NFIC: variants seen among roughly 807,000 people sequenced by gnomAD.
The protein encoded by NFIC is nuclear factor 1 C-type.
A neutral mutation model predicts 54.4 loss-of-function variants in NFIC; 12 were observed. That is an observed-to-expected ratio of 0.22 (90% CI 0.14 to 0.36). The LOEUF is 0.36. Ranked by LOEUF, NFIC falls within the 10% of genes least tolerant of loss-of-function variation. The pLI is 1.00. For synonymous variants in NFIC, 322 were observed against 319.2 expected, an observed-to-expected ratio of 1.01 and a Z score of -0.09; for missense variants, 575 against 718.2, an observed-to-expected ratio of 0.80 and a Z score of 2.28.
chr19:3,436,233 C>G (rs1431825762), intron 6 of NFIC, among the ~76,000 whole-genome samples: 5 of 151,446 alleles, frequency 3.3e-5, no homozygotes, highest in African/African-American at 4.9e-5. Context: ...CAGCCTCGAC[C>G]TCCCAGGTTC....
chr19:3,453,646 G>A lies in NFIC; in HGVS notation c.1270-117G>A. On this transcript the variant is annotated intron_variant, in intron 8 of 10. Transcript: ENST00000443272. The surrounding 1 kb of genome is among the most constrained non-coding windows in gnomAD (Gnocchi z 6.7). The stretch of plus-strand genomic sequence containing the variant: ...CCCGCCATGGTCACACCCGCGCCCT[G>A]GCCCCCCAGCCTGCCACCCCGTCCG... 1 of 1,376,872 alleles carries A rather than the reference G, an allele frequency of 7.3e-7. No individual in the cohort carries two copies. The highest frequency in any genetic ancestry group is 9.6e-7 in the Non-Finnish European group (1 of 1,042,296). 85.3% of individuals were successfully genotyped at this position (1,376,872 alleles called of 1,614,324 possible).
At chr19:3,372,719 G>GGGT (rs1555739465) in intron 1 of NFIC, among the ~76,000 whole-genome samples, 2 of 148,950 alleles carry the variant, frequency 1.3e-5, no homozygotes, top group African/African-American at 5.0e-5. Flanking sequence ...GGGTGGGGGG[G>GGGT]TGCCAGGAGG....
Position 3,453,579 on chromosome 19 carries a change from C to T in NFIC, c.1270-184C>T, listed in dbSNP as rs1028203227. On this transcript the variant is annotated intron_variant, in intron 8 of 10. Transcript: ENST00000443272. This position sits in a 1 kb window ranked among gnomAD's most constrained non-coding sequence, Gnocchi z 6.7. Reference sequence around the variant, plus strand: ...TTGAGTGACACCAGCAAGCGGGTGTCCCCAGGCCCCTCCACCTCCGGCCGT... The same window carrying T: ...TTGAGTGACACCAGCAAGCGGGTGTTCCCAGGCCCCTCCACCTCCGGCCGT... Among the ~76,000 whole-genome samples the T allele has an allele frequency of 6.6e-6, 1 of 152,100 alleles. No homozygotes were observed. The highest frequency in any genetic ancestry group is 2.4e-5 in the African/African-American group (1 of 41,416).
chr19:3,361,515 CG>C (rs2080811690), intron 1 of NFIC, among the ~76,000 whole-genome samples: 1 of 146,884 alleles, frequency 6.8e-6, no homozygotes, highest in African/African-American at 2.5e-5. Context: ...ACCCCCAGTG[CG>C]TTTGATATAA....
chr19:3,459,073 A>T lies in NFIC; in HGVS notation c.1509+2438A>T, dbSNP rs539772456. Among the ~76,000 whole-genome samples, 1 of 152,160 alleles carries T rather than the reference A, an allele frequency of 6.6e-6. No individual in the cohort carries two copies. The highest frequency in any genetic ancestry group is 1.5e-5 in the Non-Finnish European group (1 of 67,970). Reference sequence around the variant, plus strand: ...TCTCCCCTCTCCCAGCTCCCGCTCAAAGGGCCCTGAGCTTGGAGGCCTCTC... The same window carrying T: ...TCTCCCCTCTCCCAGCTCCCGCTCATAGGGCCCTGAGCTTGGAGGCCTCTC... On this transcript the variant is annotated intron_variant, in intron 10 of 10. Transcript: ENST00000443272. The surrounding 1 kb of genome is among the most constrained non-coding windows in gnomAD (Gnocchi z 4.2).
At chr19:3,362,347 C>T (rs1010297754), upstream of NFIC, among the ~76,000 whole-genome samples, 2 of 151,806 alleles carry the variant, frequency 1.3e-5, no homozygotes, top group African/African-American at 2.4e-5. Flanking sequence ...TTGTGCTTGT[C>T]AAGAAGCGTC....
intron 3 of NFIC, among the ~76,000 whole-genome samples, chr19:3,427,014 C>T (rs941108758): frequency 6.6e-6 from 1 of 151,696 alleles, no homozygotes; most frequent in Non-Finnish European, 1.5e-5. Flanking sequence ...GCCATCCCCG[C>T]CTCCTAGGTT....
chr19:3,451,010 T>C (rs1028405610), intron 7 of NFIC, among the ~76,000 whole-genome samples: 11 of 152,212 alleles, frequency 7.2e-5, no homozygotes, highest in Admixed American at 5.9e-4. Flanking sequence ...AAATATTTAC[T>C]ATCTGGCCAG....
intron 2 of NFIC, among the ~76,000 whole-genome samples, chr19:3,392,573 G>A (rs926135064): frequency 2.0e-5 from 3 of 152,154 alleles, no homozygotes; most frequent in African/African-American, 7.2e-5. Flanking sequence ...GGTGGGGCCC[G>A]GCCCTCCCAG....
chr19:3,370,289 C>T lies in NFIC; in HGVS notation c.30+3623C>T, dbSNP rs996970845. Among the ~76,000 whole-genome samples, 2 of 152,128 alleles carry T rather than the reference C, an allele frequency of 1.3e-5. No homozygotes were observed. The highest frequency in any genetic ancestry group is 4.8e-5 in the African/African-American group (2 of 41,432). ...GCTCTCTCCCCGTGTGCCCCCCACC[C>T]GGGGCCTGGTGGCCTCTGATTCACT... On this transcript the variant is annotated intron_variant, in intron 1 of 10. Transcript: ENST00000443272. The surrounding 1 kb of genome is among the most constrained non-coding windows in gnomAD (Gnocchi z 5.2).
Position 3,373,120 on chromosome 19 carries a change from C to T in NFIC, c.30+6454C>T, listed in dbSNP as rs372278795. On this transcript the variant is annotated intron_variant, in intron 1 of 10. Coordinates refer to ENST00000443272, the MANE Select transcript of NFIC (RefSeq NM_001245002.2). Reference sequence around the variant, plus strand: ...TCGGCCTCCCAAAGTGCTGGGATTACAGGTGTGAGCCACCGCGCCCGGCCC... The same window carrying T: ...TCGGCCTCCCAAAGTGCTGGGATTATAGGTGTGAGCCACCGCGCCCGGCCC... Among the ~76,000 whole-genome samples, 18 of 152,334 alleles carry T rather than the reference C, an allele frequency of 1.2e-4. No individual in the cohort carries two copies. The East Asian group carries it at 2.5e-3, about 21-fold the overall frequency.
intron 1 of NFIC, among the ~76,000 whole-genome samples, chr19:3,378,241 A>G (rs2081141268): frequency 2.0e-5 from 3 of 150,096 alleles, no homozygotes; most frequent in South Asian, 4.3e-4. Context: ...AGCCTGGGTG[A>G]CAAGAGTGAA....
intron 6 of NFIC, among the ~76,000 whole-genome samples, chr19:3,441,811 G>C (rs2082298194): frequency 6.6e-6 from 1 of 152,180 alleles, no homozygotes; most frequent in Non-Finnish European, 1.5e-5. Flanking sequence ...AACCCAGGCA[G>C]GCAGGGTCTC....
At chr19:3,393,688 A>G (rs2081411645) in intron 2 of NFIC, among the ~76,000 whole-genome samples, 1 of 151,292 alleles carries the variant, frequency 6.6e-6, no homozygotes, top group South Asian at 2.1e-4. Flanking sequence ...GGTGGCGCGA[A>G]CCTGTAATCC....
chr19:3,463,651 G>GC lies in NFIC; in HGVS notation c.*889dup, dbSNP rs1010732633. 29 of 954,858 alleles carry GC rather than the reference G, an allele frequency of 3.0e-5. No individual in the cohort carries two copies. In the African/African-American group the frequency reaches 3.7e-4, roughly 12 times the overall value. The allele number at this position is 954,858 out of a possible 1,614,324, so 59.1% of individuals were successfully genotyped here. ...CCACCCCCCACCCCCGGCATAGGAGGCCCCCCCACCTCGCCCGGCTCACAC... is the reference window on the plus strand; with the variant it reads ...CCACCCCCCACCCCCGGCATAGGAGGCCCCCCCCACCTCGCCCGGCTCACAC... On this transcript the variant is annotated 3_prime_UTR_variant, in exon 11 of 11. Transcript: ENST00000443272.
At position 3,395,871 on chromosome 19, in the gene NFIC, G is replaced by A. The variant is rs2081454557; in HGVS notation, c.562+13628G>A. ...ATTTTTGTATTTTTAGTAGAGATGG[G>A]ATTTCTCCATGTTGGCCAGGCTGGT... On this transcript the variant is annotated intron_variant, in intron 2 of 10. Coordinates refer to ENST00000443272, the MANE Select transcript of NFIC (RefSeq NM_001245002.2). Among the ~76,000 whole-genome samples the A allele has an allele frequency of 2.6e-5, 4 of 152,156 alleles. No homozygotes were observed. The South Asian group carries it at 6.2e-4, about 24-fold the overall frequency.
intron 6 of NFIC, among the ~76,000 whole-genome samples, chr19:3,446,953 G>A (rs959278642): frequency 6.6e-6 from 1 of 152,112 alleles, no homozygotes; most frequent in Non-Finnish European, 1.5e-5. Flanking sequence ...TTAAGCCCAG[G>A]AGGTTGAGGC....
intron 1 of NFIC, among the ~76,000 whole-genome samples, chr19:3,367,895 C>A (rs1376102079): frequency 2.6e-5 from 4 of 152,130 alleles, no homozygotes; most frequent in Non-Finnish European, 5.9e-5. Flanking sequence ...AGTGAGGGAC[C>A]CCCCACGCCA....
chr19:3,381,749 A>G lies in NFIC; in HGVS notation c.68A>G (p.His23Arg). ...FHPFIEALLP[H>R]VRAFAYTWFN... ...CCGTTCATCGAGGCCCTGCTGCCTCACGTCCGCGCCTTCGCCTACACCTGG... is the reference window on the plus strand; with the variant it reads ...CCGTTCATCGAGGCCCTGCTGCCTCGCGTCCGCGCCTTCGCCTACACCTGG... The change falls in exon 2 of 11, where the codon CAC becomes CGC. Residue 23 changes from histidine (H) to arginine (R), a missense_variant. Physicochemically the swap from His to Arg is conservative, Grantham distance 29 (BLOSUM62 0). Around this residue, in one of 3 missense-constraint regions of NFIC, gnomAD observed 122 missense variants for 158.0 expected, o/e 0.77. Transcript: ENST00000443272. The G allele has an allele frequency of 1.2e-6, 2 of 1,613,780 alleles. No homozygotes were observed. The highest frequency in any genetic ancestry group is 1.7e-6 in the Non-Finnish European group (2 of 1,179,930).
Sources: gnomAD v4.1 joint callset for allele counts (sites outside exome capture counted in the v4.1 genomes callset) on GRCh38, gnomAD v4.1.1 for gene constraint, gnomAD v4.1.1 regional missense constraint, Gnocchi (gnomAD v3.1) non-coding constraint, MANE v1.5 for transcripts, NCBI Gene and HGNC (gene_info 2026-07-23, HGNC 2026-07-21) for gene names.